Variants in CYP39A1 observed in about 807,000 individuals in gnomAD.
The protein encoded by CYP39A1 is 24-hydroxycholesterol 7-alpha-hydroxylase.
CYP39A1 carries 49 observed loss-of-function variants against 58.1 expected under a neutral mutation model. The ratio of observed to expected loss-of-function variants is 0.84; its 90% CI spans 0.67 to 1.07. CYP39A1 has a LOEUF of 1.07. Among genes scored for constraint, CYP39A1 ranks in the 50% least tolerant of loss-of-function variants. The pLI is 0.00. For missense variants in CYP39A1, 531 were observed against 539.4 expected (o/e 0.98, Z 0.16); for synonymous variants, 209 against 187.6 (o/e 1.11, Z -0.93).
chr6:46,606,429 G>T (rs1355087768), intron 7 of CYP39A1, among the ~76,000 whole-genome samples: 1 of 152,100 alleles, frequency 6.6e-6, no homozygotes, highest in African/African-American at 2.4e-5. Flanking sequence ...CTTAGAAATA[G>T]CTCCGTACCC....
chr6:46,580,155 C>T (rs994397640), intron 10 of CYP39A1, among the ~76,000 whole-genome samples: 7 of 152,060 alleles, frequency 4.6e-5, no homozygotes, highest in South Asian at 2.1e-4. Flanking sequence ...CAAAAACAGA[C>T]ATATGGACCA....
chr6:46,560,844 T>C (rs1479670527), intron 10 of CYP39A1, among the ~76,000 whole-genome samples: 1 of 151,956 alleles, frequency 6.6e-6, no homozygotes, highest in Non-Finnish European at 1.5e-5. Context: ...TTGAGGAAGA[T>C]GAGCAAAGGA....
intron 10 of CYP39A1, among the ~76,000 whole-genome samples, chr6:46,556,530 C>A (rs1431919955): frequency 6.6e-6 from 1 of 152,162 alleles, no homozygotes; most frequent in African/African-American, 2.4e-5. Context: ...AATCAAAGCA[C>A]AAGAAGCTGA....
intron 10 of CYP39A1, among the ~76,000 whole-genome samples, chr6:46,575,443 G>A (rs1771800049): frequency 6.6e-6 from 1 of 152,202 alleles, no homozygotes; most frequent in Admixed American, 6.5e-5. Context: ...ATGCAGCCCA[G>A]CCTCAATTGC....
At chr6:46,608,901 A>G (rs907371396) in intron 7 of CYP39A1, among the ~76,000 whole-genome samples, 2 of 151,948 alleles carry the variant, frequency 1.3e-5, no homozygotes, top group African/African-American at 4.8e-5. Flanking sequence ...GGCGTGAGCC[A>G]TCGTGCCTGG....
In CYP39A1 at chr6:46,636,302, A is replaced by G. The variant is rs550135577; in HGVS notation, c.732+87T>C. 7 of 934,962 alleles carry G rather than the reference A, an allele frequency of 7.5e-6. No homozygotes were observed. The East Asian group carries it at 1.9e-4, about 25-fold the overall frequency. The allele number at this position is 934,962 out of a possible 1,614,324, so 57.9% of individuals were successfully genotyped here. A position where few individuals can be genotyped will look rare whatever the true frequency, so the allele number is the denominator to read the frequency against. ...TTGACACAAAAATGGTATCTAATCA[A>G]TCTCATGTGTTTTAGCAAAATATAT... is the stretch of plus-strand genomic sequence containing the variant. On this transcript the variant is annotated intron_variant, in intron 5 of 11. Transcript: ENST00000275016.
chr6:46,602,579 G>A (rs540023141), intron 7 of CYP39A1, among the ~76,000 whole-genome samples: 3 of 151,092 alleles, frequency 2.0e-5, no homozygotes, highest in Non-Finnish European at 4.4e-5. Flanking sequence ...TTGGGAGGCC[G>A]AGGTGGGTGG....
At chr6:46,586,239 A>G in intron 10 of CYP39A1, 1 of 984,266 alleles carries the variant, frequency 1.0e-6, no homozygotes, top group Non-Finnish European at 1.2e-6. Flanking sequence ...TTGTTCAAAT[A>G]ATGAAGAGGA....
At chr6:46,558,525 T>A (rs574758820) in intron 10 of CYP39A1, among the ~76,000 whole-genome samples, 5 of 152,026 alleles carry the variant, frequency 3.3e-5, no homozygotes, top group Admixed American at 1.3e-4. Flanking sequence ...CCCCTCCTCC[T>A]CCAAATGTGG....
chr6:46,557,430 C>T (rs1319743670), intron 10 of CYP39A1, among the ~76,000 whole-genome samples: 1 of 151,634 alleles, frequency 6.6e-6, no homozygotes, highest in Non-Finnish European at 1.5e-5. Flanking sequence ...GACCTGAGGC[C>T]AGGAGTTTGA....
Position 46,652,566 on chromosome 6 carries a change from G to C in CYP39A1, c.17C>G (p.Pro6Arg), listed in dbSNP as rs1317361002. Residue 6 changes from proline to arginine, a missense_variant, in exon 1 of 12, where the codon CCA becomes CGA. By Grantham distance (103) the Pro-to-Arg change is moderately radical. Transcript: ENST00000275016. MELIS[P>R]TVIIILGCLA... Reference sequence around the variant, plus strand: ...GCAACCCAGGATTATAATCACTGTTGGGGAAATTAGTTCCATGTTTTTGTC... The same window carrying C: ...GCAACCCAGGATTATAATCACTGTTCGGGAAATTAGTTCCATGTTTTTGTC... 1.2e-6 allele frequency: 2 copies of C among 1,604,534 alleles called. No homozygotes were observed. Among genetic ancestry groups the C allele is most frequent in the East Asian group, 2.3e-5 (1 of 44,362 alleles).
intron 10 of CYP39A1, among the ~76,000 whole-genome samples, chr6:46,558,206 C>A (rs949133507): frequency 6.6e-6 from 1 of 152,020 alleles, no homozygotes; most frequent in Non-Finnish European, 1.5e-5. Flanking sequence ...TGTTTGTATT[C>A]ATCTGTTCTC....
At position 46,639,475 on chromosome 6, in the gene CYP39A1, T is replaced by C. The variant is rs1414298355; in HGVS notation, c.488+19A>G. ...TAAAACAAAAAGCAAGACTAAATCATACTAATGCGTCTATTTACCTTACTA... is the reference window on the plus strand; with the variant it reads ...TAAAACAAAAAGCAAGACTAAATCACACTAATGCGTCTATTTACCTTACTA... On this transcript the variant is annotated intron_variant, in intron 3 of 11. Transcript: ENST00000275016. The C allele has an allele frequency of 6.2e-7, 1 of 1,610,198 alleles. No individual in the cohort carries two copies. Among genetic ancestry groups the C allele is most frequent in the Non-Finnish European group, 8.5e-7 (1 of 1,178,476 alleles).
intron 5 of CYP39A1, among the ~76,000 whole-genome samples, chr6:46,633,805 C>T (rs1354398795): frequency 1.3e-5 from 2 of 151,250 alleles, no homozygotes; most frequent in African/African-American, 2.4e-5. Flanking sequence ...TGCAGTGAGC[C>T]GAGATCACAC....
intron 10 of CYP39A1, among the ~76,000 whole-genome samples, chr6:46,559,236 T>A (rs2150481568): frequency 6.6e-6 from 1 of 152,108 alleles, no homozygotes; most frequent in East Asian, 1.9e-4. Flanking sequence ...ATACTCAGAC[T>A]GAGAAATGAC....
At chr6:46,583,192 T>A (rs1345836458) in intron 10 of CYP39A1, 1 of 985,288 alleles carries the variant, frequency 1.0e-6, no homozygotes, top group Non-Finnish European at 1.2e-6. Context: ...TACACTCTCT[T>A]CTTATCCAAG....
intron 6 of CYP39A1, among the ~76,000 whole-genome samples, chr6:46,629,973 G>A (rs375900877): frequency 6.6e-6 from 1 of 151,710 alleles, no homozygotes; most frequent in East Asian, 1.9e-4. Flanking sequence ...GCTCACGCAT[G>A]TAATCCCAGC....
Position 46,623,825 on chromosome 6 carries a change from G to C in CYP39A1, c.931+1593C>G, listed in dbSNP as rs539061164. Among the ~76,000 whole-genome samples the C allele has an allele frequency of 7.8e-4, 118 of 152,086 alleles. 1 individual carries two copies. In the South Asian group the frequency reaches 0.024, roughly 31 times the overall value. ...CATTTAAATTCCTGAGCTGCTACTA[G>C]ATCTTATGTATGGATTATTGAATAG... On this transcript the variant is annotated intron_variant, in intron 7 of 11. Transcript: ENST00000275016.
At chr6:46,637,459 G>C (rs1458679965) in intron 4 of CYP39A1, among the ~76,000 whole-genome samples, 1 of 152,190 alleles carries the variant, frequency 6.6e-6, no homozygotes, top group Non-Finnish European at 1.5e-5. Context: ...GCCCATGTTT[G>C]CCTCAGAGAG....
Sources: gnomAD v4.1 joint callset for allele counts (sites outside exome capture counted in the v4.1 genomes callset) on GRCh38, gnomAD v4.1.1 for gene constraint, MANE v1.5 for transcripts, NCBI Gene and HGNC (gene_info 2026-07-23, HGNC 2026-07-21) for gene names.